The following GOLGA4 variants were observed in gnomAD, a reference collection of about 807,000 sequenced individuals.
GOLGA4 encodes golgin subfamily A member 4.
GOLGA4 carries 169 observed loss-of-function variants against 265.9 expected under a neutral mutation model. The ratio of observed to expected loss-of-function variants is 0.64; its 90% CI spans 0.56 to 0.72. The LOEUF (loss-of-function observed/expected upper bound fraction) is 0.72. GOLGA4 is among the 30% of genes least tolerant of loss of function. The probability of loss-of-function intolerance (pLI) is 0.00; values close to 1 mark genes in which losing one functional copy is unlikely to be tolerated. For missense variants in GOLGA4, 2,482 were observed against 2,483.4 expected (o/e 1.00, Z 0.01); for synonymous variants, 923 against 855.8 (o/e 1.08, Z -1.37).
At chr3:37,364,074 G>A (rs889209630) in intron 23 of GOLGA4, among the ~76,000 whole-genome samples, 1 of 152,080 alleles carries the variant, frequency 6.6e-6, no homozygotes, top group South Asian at 2.1e-4. Flanking sequence ...TACATTATGA[G>A]TAGTGAAATA....
chr3:37,359,047 G>C lies in GOLGA4; in HGVS notation c.6664-2196G>C, dbSNP rs116329555. On this transcript the variant is annotated intron_variant, in intron 22 of 23. Coordinates refer to ENST00000361924, the MANE Select transcript of GOLGA4 (RefSeq NM_002078.5). ...AGGAAAAAGAATTGCCTTCTAAACA[G>C]CAGGCAGAAGTTAAAACAAAATGCA... Among the ~76,000 whole-genome samples the C allele has an allele frequency of 8.2e-3, 1,252 of 152,294 alleles. 21 individuals carry two copies. Among genetic ancestry groups the C allele is most frequent in the African/African-American group, 0.029 (1,187 of 41,554 alleles).
intron 21 of GOLGA4, among the ~76,000 whole-genome samples, chr3:37,354,691 TG>T (rs1356659970): frequency 6.6e-6 from 1 of 152,074 alleles, no homozygotes; most frequent in East Asian, 1.9e-4. Context: ...AGATATATGA[TG>T]TGATTTAGTT....
intron 21 of GOLGA4, among the ~76,000 whole-genome samples, chr3:37,354,109 A>T (rs2097083400): frequency 6.6e-6 from 1 of 152,066 alleles, no homozygotes; most frequent in African/African-American, 2.4e-5. Context: ...TCCTGGAAAT[A>T]ATTGTGATAC....
At chr3:37,352,525 A>G (rs1348926916) in intron 21 of GOLGA4, among the ~76,000 whole-genome samples, 1 of 152,022 alleles carries the variant, frequency 6.6e-6, no homozygotes, top group African/African-American at 2.4e-5. Flanking sequence ...ACAGAGCCAA[A>G]TCATGTCGCT....
At chr3:37,348,586 GGATA>G (rs1350223125) in intron 21 of GOLGA4, among the ~76,000 whole-genome samples, 1 of 152,030 alleles carries the variant, frequency 6.6e-6, no homozygotes, top group Admixed American at 6.6e-5. Flanking sequence ...ATTTGAGGTG[GGATA>G]GATAGTTTAA....
intron 21 of GOLGA4, among the ~76,000 whole-genome samples, chr3:37,353,078 G>A (rs892709682): frequency 9.9e-5 from 15 of 152,030 alleles, no homozygotes; most frequent in African/African-American, 3.4e-4. Flanking sequence ...AAGAGATGGG[G>A]GCTCAGCAGA....
rs150129405 is a variant in GOLGA4 at position 37,323,985 on chromosome 3, G to T, written c.2099G>T (p.Arg700Leu). 1 of 1,613,598 alleles carries T rather than the reference G, an allele frequency of 6.2e-7. No individual in the cohort carries two copies. The highest frequency in any genetic ancestry group is 8.5e-7 in the Non-Finnish European group (1 of 1,179,938). Residue 700 changes from arginine to leucine, a missense_variant, in exon 14 of 24, where the codon CGT (arginine) becomes CTT (leucine). Coordinates refer to ENST00000361924, the MANE Select transcript of GOLGA4 (RefSeq NM_002078.5). ...GAACTGTCAGAAGTATTAAAAGCCC[G>T]TCACAAACTAGAAGAGGAACTTTCT... ...SSELSEVLKA[R>L]HKLEEELSVL... is the part of the protein sequence containing the mutation.
intron 2 of GOLGA4, among the ~76,000 whole-genome samples, chr3:37,267,847 G>T (rs1042235784): frequency 6.6e-6 from 1 of 152,226 alleles, no homozygotes; most frequent in Non-Finnish European, 1.5e-5. Context: ...CATGTAGCCA[G>T]TGAAGACTTG....
chr3:37,254,372 A>G (rs1322066087), intron 2 of GOLGA4, among the ~76,000 whole-genome samples: 2 of 152,340 alleles, frequency 1.3e-5, no homozygotes, highest in East Asian at 3.9e-4. Flanking sequence ...TGTATATGAC[A>G]TGAACTTTGA....
Position 37,347,451 on chromosome 3 carries a change from A to C in GOLGA4, c.6576+155A>C, listed in dbSNP as rs546164786. Among the ~76,000 whole-genome samples the C allele has an allele frequency of 2.0e-5, 3 of 152,300 alleles. No individual in the cohort carries two copies. The South Asian group carries it at 6.2e-4, about 32-fold the overall frequency. On this transcript the variant is annotated intron_variant, in intron 21 of 23. Transcript: ENST00000361924. Reference sequence around the variant, plus strand: ...AATTATTTTATTGCTCTTAGTTTACAAAGTGAATTGGTGGATCTTGCTTAT... The same window carrying C: ...AATTATTTTATTGCTCTTAGTTTACCAAGTGAATTGGTGGATCTTGCTTAT...
chr3:37,362,533 G>A (rs541167891), intron 23 of GOLGA4, among the ~76,000 whole-genome samples: 6 of 150,818 alleles, frequency 4.0e-5, no homozygotes, highest in South Asian at 2.1e-4. Context: ...AGCCGCGCCC[G>A]GCCTTATTTA....
chr3:37,271,924 G>A (rs939788424), intron 2 of GOLGA4, among the ~76,000 whole-genome samples: 4 of 152,112 alleles, frequency 2.6e-5, no homozygotes, highest in Non-Finnish European at 4.4e-5. Context: ...TCATAGGAGC[G>A]TGAACCCTGT....
chr3:37,244,666 G>A (rs2096713940), intron 1 of GOLGA4, among the ~76,000 whole-genome samples: 1 of 152,070 alleles, frequency 6.6e-6, no homozygotes, highest in South Asian at 2.1e-4. Context: ...AACATACAAC[G>A]ATTGCATTAG....
In GOLGA4 at chr3:37,274,481, C is replaced by T. The variant is rs183219380; in HGVS notation, c.163-7477C>T. ...CTGAGGTAGGTGGATCGCTTGAGAC[C>T]AGGAGTTCGAGACCAGCCCAGCCAA... is the stretch of plus-strand genomic sequence containing the variant. On this transcript the variant is annotated intron_variant, in intron 2 of 23. Transcript: ENST00000361924. 2.4e-3 allele frequency among the ~76,000 whole-genome samples: 360 copies of T among 151,958 alleles called. 2 individuals carry two copies. Among genetic ancestry groups the T allele is most frequent in the Middle Eastern group, 6.8e-3 (2 of 292 alleles).
At position 37,302,284 on chromosome 3, in the gene GOLGA4, A is replaced by G; in HGVS notation, c.1186A>G (p.Thr396Ala). ...CCGTAGTCGCATCAAACAGATGACT[A>G]CCCAGGGAGAGGAATTACGGGAACA... Reference protein sequence around the residue: ...QLRSRIKQMTTQGEELREQKE... With the variant: ...QLRSRIKQMTAQGEELREQKE... Residue 396 changes from threonine (T) to alanine (A), a missense_variant, in exon 10 of 24, where the codon ACC (threonine) becomes GCC (alanine). By Grantham distance (58) the Thr-to-Ala change is moderately conservative (BLOSUM62 0). Around this residue, in one of 3 missense-constraint regions of GOLGA4, gnomAD observed 1,536 missense variants for 1,483.7 expected, o/e 1.04. Transcript: ENST00000361924. The G allele has an allele frequency of 6.2e-7, 1 of 1,613,514 alleles. No homozygotes were observed. The highest frequency in any genetic ancestry group is 8.5e-7 in the Non-Finnish European group (1 of 1,179,468).
chr3:37,363,062 G>A (rs1010049055), intron 23 of GOLGA4, among the ~76,000 whole-genome samples: 1 of 152,036 alleles, frequency 6.6e-6, no homozygotes, highest in Non-Finnish European at 1.5e-5. Context: ...GATTACAGGC[G>A]TGAGCCACTG....
rs1462672432 is a variant in GOLGA4, at chr3:37,326,534, A to G, written c.4648A>G (p.Asn1550Asp). 1 of 1,607,768 alleles carries G rather than the reference A, an allele frequency of 6.2e-7. No individual in the cohort carries two copies. Among genetic ancestry groups the G allele is most frequent in the Non-Finnish European group, 8.5e-7 (1 of 1,176,768 alleles). Residue 1550 changes from asparagine to aspartate, a missense_variant, in exon 14 of 24, where the codon AAT (asparagine) becomes GAT (aspartate). This residue lies in a region of GOLGA4 where 942 missense variants were observed against 983.1 expected (regional missense o/e 0.96). Transcript: ENST00000361924. ...EIESLNEVLK[N>D]YNQQKDIEHK... ...AGAGTCCTTAAATGAAGTTCTTAAA[A>G]ATTACAATCAACAAAAGGATATTGA...
chr3:37,365,050 C>T (rs778782294), intron 23 of GOLGA4, among the ~76,000 whole-genome samples: 1 of 152,134 alleles, frequency 6.6e-6, no homozygotes, highest in Non-Finnish European at 1.5e-5. Context: ...CACACACCAT[C>T]ATGCCTGTCT....
At position 37,243,611 on chromosome 3, in the gene GOLGA4, G is replaced by T; in HGVS notation, c.61G>T (p.Ala21Ser). ...GCAGCAGCAGCTCCAGCAGGCGCTG[G>T]CTCCTGCTCAGGTACGATGGCCGCC... ...EEQQQLQQAL[A>S]PAQASSNSST... The change falls in exon 1 of 24, where the codon GCT becomes TCT. Residue 21 changes from alanine (A) to serine (S), a missense_variant. Ala to Ser is a moderately conservative substitution (Grantham distance 99). This residue lies in a region of GOLGA4 where 1,536 missense variants were observed against 1,483.7 expected (regional missense o/e 1.04). Transcript: ENST00000361924. 1 of 1,612,940 alleles carries T rather than the reference G, an allele frequency of 6.2e-7. No individual in the cohort carries two copies. Among genetic ancestry groups the T allele is most frequent in the Non-Finnish European group, 8.5e-7 (1 of 1,179,528 alleles).
Sources: allele counts gnomAD v4.1 joint callset (sites outside exome capture counted in the v4.1 genomes callset), GRCh38; gene constraint gnomAD v4.1.1; regional missense constraint gnomAD v4.1.1; transcripts MANE v1.5; gene names NCBI Gene and HGNC (gene_info 2026-07-23, HGNC 2026-07-21).